Variants in SPAG16 observed in about 807,000 individuals in gnomAD.
SPAG16 encodes sperm-associated antigen 16 protein.
In SPAG16, 86 loss-of-function variants were observed where a neutral mutation model predicts 80.4. That is an observed-to-expected ratio of 1.07 (90% CI 0.90 to 1.28). The LOEUF (loss-of-function observed/expected upper bound fraction) is 1.28. Ranked by LOEUF, SPAG16 falls within the 50% of genes most tolerant of loss-of-function variation. The probability of loss-of-function intolerance (pLI) is 0.00; values close to 1 mark genes in which losing one functional copy is unlikely to be tolerated. For synonymous variants in SPAG16, 294 were observed against 265.9 expected (o/e 1.11, Z -1.03); for missense variants, 870 against 765.3 (o/e 1.14, Z -1.61).
intron 1 of SPAG16, among the ~76,000 whole-genome samples, chr2:213,287,006 C>T (rs1168183887): frequency 6.6e-6 from 1 of 152,188 alleles, no homozygotes; most frequent in Non-Finnish European, 1.5e-5. Flanking sequence ...GTAACAGTGC[C>T]ACCTATTTCT....
intron 9 of SPAG16, among the ~76,000 whole-genome samples, chr2:213,433,862 G>A (rs2125496589): frequency 6.6e-6 from 1 of 150,972 alleles, no homozygotes; most frequent in East Asian, 1.9e-4. Flanking sequence ...CAAGGCTATG[G>A]CAACCCAAAC....
intron 15 of SPAG16, among the ~76,000 whole-genome samples, chr2:214,319,451 A>G (rs1320120518): frequency 2.6e-5 from 4 of 151,966 alleles, no homozygotes; most frequent in Non-Finnish European, 5.9e-5. Flanking sequence ...TAAAATAAAG[A>G]AGTGATAAAA....
chr2:214,211,456 A>G (rs2125748814), intron 15 of SPAG16, among the ~76,000 whole-genome samples: 1 of 152,346 alleles, frequency 6.6e-6, no homozygotes, highest in East Asian at 1.9e-4. Flanking sequence ...AAATAATGTG[A>G]GTGAGTGATC....
chr2:213,926,366 G>A (rs964280081), intron 11 of SPAG16, among the ~76,000 whole-genome samples: 3 of 151,980 alleles, frequency 2.0e-5, no homozygotes, highest in African/African-American at 4.8e-5. Flanking sequence ...TACCCAATCT[G>A]TAGTCTTTTA....
At chr2:214,240,635 A>C (rs1192968683) in intron 15 of SPAG16, 1 of 152,176 alleles carries the variant, frequency 6.6e-6, no homozygotes, top group African/African-American at 2.4e-5. Flanking sequence ...AGATTCATAA[A>C]ATTTAGCTAT....
intron 10 of SPAG16, among the ~76,000 whole-genome samples, chr2:213,587,763 A>AT (rs34228424): frequency 2.0e-5 from 3 of 151,992 alleles, no homozygotes; most frequent in Non-Finnish European, 2.9e-5. Context: ...AATAAATCAT[A>AT]TTTTTTTCAA....
intron 10 of SPAG16, among the ~76,000 whole-genome samples, chr2:213,816,485 G>A (rs1245445841): frequency 6.6e-6 from 1 of 152,000 alleles, no homozygotes; most frequent in African/African-American, 2.4e-5. Context: ...GCTTTACTCT[G>A]TAATTTTTTT....
chr2:213,843,904 G>C (rs1237400981), intron 10 of SPAG16, among the ~76,000 whole-genome samples: 1 of 151,922 alleles, frequency 6.6e-6, no homozygotes, highest in Non-Finnish European at 1.5e-5. Context: ...AGCTCACTAT[G>C]ACCTAAGTTA....
chr2:214,297,154 G>A (rs905086503), intron 15 of SPAG16, among the ~76,000 whole-genome samples: 4 of 151,964 alleles, frequency 2.6e-5, no homozygotes, highest in African/African-American at 9.7e-5. Context: ...TTTTTAATGG[G>A]GTTGTTTTTG....
chr2:213,964,067 A>G (rs1035753055), intron 12 of SPAG16, among the ~76,000 whole-genome samples: 1 of 152,168 alleles, frequency 6.6e-6, no homozygotes, highest in Non-Finnish European at 1.5e-5. Flanking sequence ...ATTGGTTGAT[A>G]AAAATATTGT....
intron 10 of SPAG16, among the ~76,000 whole-genome samples, chr2:213,700,872 C>T (rs13028538): frequency 0.26 from 40,162 of 152,134 alleles, 6,267 homozygotes; most frequent in Middle Eastern, 0.42. Context: ...CTAGGCCAGG[C>T]GTGGTGGCTC....
intron 10 of SPAG16, among the ~76,000 whole-genome samples, chr2:213,814,964 A>G (rs921167970): frequency 3.2e-4 from 49 of 152,078 alleles, no homozygotes; most frequent in African/African-American, 8.9e-4. Flanking sequence ...CAATTATAGT[A>G]GGAGACTTTA....
At chr2:213,716,258 T>C (rs1025968194) in intron 10 of SPAG16, among the ~76,000 whole-genome samples, 2 of 152,190 alleles carry the variant, frequency 1.3e-5, no homozygotes, top group Admixed American at 6.5e-5. Context: ...AAAATAGAGA[T>C]AGAGCTATGA....
intron 5 of SPAG16, among the ~76,000 whole-genome samples, chr2:213,330,557 GTAACTAACTT>G: frequency 6.6e-6 from 1 of 152,344 alleles, no homozygotes. Context: ...TATCTAGGAA[GTAACTAACTT>G]GCTTTTGATT....
chr2:214,017,722 A>G (rs904119672), intron 13 of SPAG16, among the ~76,000 whole-genome samples: 4 of 152,168 alleles, frequency 2.6e-5, no homozygotes, highest in African/African-American at 9.6e-5. Flanking sequence ...CCTTCAGCAT[A>G]GTGCAATTGC....
chr2:213,910,317 C>A (rs978423241), intron 11 of SPAG16, among the ~76,000 whole-genome samples: 1 of 152,154 alleles, frequency 6.6e-6, no homozygotes, highest in Non-Finnish European at 1.5e-5. Context: ...GACTTCTCTT[C>A]AGATCATATA....
At chr2:213,594,294 A>T (rs2060811147) in intron 10 of SPAG16, among the ~76,000 whole-genome samples, 1 of 152,182 alleles carries the variant, frequency 6.6e-6, no homozygotes, top group Non-Finnish European at 1.5e-5. Flanking sequence ...TTTCAAAGAA[A>T]TTTTCTTCTA....
intron 10 of SPAG16, among the ~76,000 whole-genome samples, chr2:213,522,088 G>C (rs759270844): frequency 1.3e-5 from 2 of 152,178 alleles, no homozygotes; most frequent in Non-Finnish European, 2.9e-5. Flanking sequence ...AAGATCTATA[G>C]CATTGCTATC....
Position 213,297,237 on chromosome 2 carries a change from A to G in SPAG16, c.184-25A>G, listed in dbSNP as rs372527713. 2.0e-5 allele frequency: 31 copies of G among 1,565,234 alleles called. No individual in the cohort carries two copies. In the South Asian group the frequency reaches 2.2e-4, roughly 11 times the overall value. On this transcript the variant is annotated intron_variant, in intron 2 of 15. Transcript: ENST00000331683. ...TTTTATATTTCTGCTCACTCTTCCTATCCTTCTCTTTCTCTGTGATCTAGA... is the reference window on the plus strand; with the variant it reads ...TTTTATATTTCTGCTCACTCTTCCTGTCCTTCTCTTTCTCTGTGATCTAGA...
Sources: allele counts gnomAD v4.1 joint callset (sites outside exome capture counted in the v4.1 genomes callset), GRCh38; gene constraint gnomAD v4.1.1; transcripts MANE v1.5; gene names NCBI Gene and HGNC (gene_info 2026-07-23, HGNC 2026-07-21).